GCKR: variants seen among roughly 807,000 people sequenced by gnomAD.
The protein encoded by GCKR is glucokinase regulatory protein.
GCKR carries 73 observed loss-of-function variants against 82.9 expected under a neutral mutation model. The observed-to-expected ratio is 0.88, with a 90% CI of 0.73 to 1.07. The LOEUF is 1.07. GCKR is among the 50% of genes least tolerant of loss of function. The pLI is 0.00. For synonymous variants in GCKR, 294 were observed against 291.8 expected (o/e 1.01, Z -0.08); for missense variants, 784 against 782.1 (o/e 1.00, Z -0.03).
intron 16 of GCKR, among the ~76,000 whole-genome samples, chr2:27,516,177 C>G (rs762512694): frequency 1.3e-5 from 2 of 149,302 alleles, no homozygotes; most frequent in African/African-American, 5.0e-5. Flanking sequence ...TATGGACTTT[C>G]TATTCTGTTC....
Position 27,522,555 on chromosome 2 carries a change from C to T in GCKR, c.1668C>T (p.Pro556=). The change falls in exon 18 of 19, where the codon CCC becomes CCT. Residue 556 remains proline (P), a synonymous_variant. Coordinates refer to ENST00000264717, the MANE Select transcript of GCKR (RefSeq NM_001486.4). ...TGTCAGATGATATTCGGGCTGCTCCCATCTCCTGCCATGTCCAGGTTGCAC... is the reference window on the plus strand; with the variant it reads ...TGTCAGATGATATTCGGGCTGCTCCTATCTCCTGCCATGTCCAGGTTGCAC... ...QPLSDDIRAA[P]ISCHVQVAHE... 6 of 1,614,040 alleles carry T rather than the reference C, an allele frequency of 3.7e-6. No individual in the cohort carries two copies. Among genetic ancestry groups the T allele is most frequent in the Non-Finnish European group, 5.1e-6 (6 of 1,179,872 alleles).
intron 12 of GCKR, 134 bp from the exon 13 acceptor site, chr2:27,507,101 C>T (rs1451597898): frequency 3.8e-6 from 3 of 795,754 alleles, no homozygotes; most frequent in African/African-American, 3.4e-5. Context: ...CTATGGCCTC[C>T]CACAAGGGCT....
intron 8 of GCKR, chr2:27,501,869 G>T: frequency 2.5e-6 from 1 of 398,010 alleles, no homozygotes; most frequent in Non-Finnish European, 5.2e-6. Context: ...AGCTGCCTGG[G>T]GAATGTTACA....
At chr2:27,519,162 C>T (rs983816300) in intron 17 of GCKR, among the ~76,000 whole-genome samples, 10 of 152,132 alleles carry the variant, frequency 6.6e-5, no homozygotes, top group South Asian at 2.1e-4. Context: ...CAGTTACAAA[C>T]GTGATGGAAA....
chr2:27,507,452 G>A (rs1328684586), intron 13 of GCKR, 141 bp downstream of exon 13: 6 of 751,652 alleles, frequency 8.0e-6, no homozygotes, highest in African/African-American at 6.8e-5. Flanking sequence ...AAGTCATGAG[G>A]CTTTGGCTTA....
chr2:27,511,559 C>T (rs1669882079), intron 16 of GCKR, among the ~76,000 whole-genome samples: 2 of 151,760 alleles, frequency 1.3e-5, no homozygotes, highest in South Asian at 4.2e-4. Context: ...ATTACCTGAG[C>T]ATGGTAGTGG....
In GCKR at chr2:27,506,613, G is replaced by A. The variant is rs2293571; in HGVS notation, c.968+34G>A. The A allele has an allele frequency of 0.38, 544,458 of 1,418,090 alleles. 108,142 individuals are homozygous for A. Among genetic ancestry groups the A allele is most frequent in the Admixed American group, 0.51 (30,623 of 59,742 alleles). 87.8% of individuals were successfully genotyped at this position (1,418,090 alleles called of 1,614,324 possible). ...ATATGTGTTTAGAGGTGAGGATGTG[G>A]CCCGGATGGAGAATACTGAGAGCAG... On this transcript the variant is annotated intron_variant, in intron 11 of 18. Coordinates refer to ENST00000264717, the MANE Select transcript of GCKR (RefSeq NM_001486.4).
chr2:27,506,402 A>G (rs1669743926), intron 10 of GCKR, 79 bp from the exon 11 acceptor site: 2 of 922,408 alleles, frequency 2.2e-6, no homozygotes, highest in South Asian at 1.3e-5. Flanking sequence ...CTGTGCCTTC[A>G]CCTCCCCGCT....
intron 10 of GCKR, 76 bp downstream of exon 10, chr2:27,505,912 A>C: frequency 1.2e-6 from 1 of 844,846 alleles, no homozygotes; most frequent in Non-Finnish European, 2.1e-6. Context: ...TGGCAGGTCT[A>C]GATCCAAGGA....
intron 16 of GCKR, among the ~76,000 whole-genome samples, chr2:27,511,837 A>C (rs1669891168): frequency 6.6e-6 from 1 of 152,226 alleles, no homozygotes; most frequent in Non-Finnish European, 1.5e-5. Flanking sequence ...AAACCTACAG[A>C]AAAATACGAA....
intron 16 of GCKR, among the ~76,000 whole-genome samples, chr2:27,509,204 C>T (rs943054276): frequency 3.3e-5 from 5 of 152,142 alleles, no homozygotes; most frequent in African/African-American, 1.2e-4. Context: ...ATTCGTTATT[C>T]AAACCATGTC....
chr2:27,514,491 C>A (rs1324106707), intron 16 of GCKR, among the ~76,000 whole-genome samples: 1 of 152,152 alleles, frequency 6.6e-6, no homozygotes, highest in Non-Finnish European at 1.5e-5. Context: ...TAAGTTTGCA[C>A]TTCCTATACA....
rs200836461 is a variant in GCKR, at chr2:27,499,202, G to A, written c.489G>A (p.Leu163=). Residue 163 remains leucine, a synonymous_variant, in exon 6 of 19, where the codon CTG becomes CTA. Transcript: ENST00000264717. ...GTGCCTTGCACGGGATTGAGGAACT[G>A]AAGAAGGTCTGTGCTTTTCACTGAC... The part of the protein sequence containing the change: ...EDSALHGIEE[L]KKVAAGKKRV... 37 of 1,607,050 alleles carry A rather than the reference G, an allele frequency of 2.3e-5. No homozygotes were observed. The African/African-American group carries it at 3.9e-4, about 17-fold the overall frequency.
chr2:27,501,737 C>T (rs1558434718), intron 8 of GCKR: 1 of 471,486 alleles, frequency 2.1e-6, no homozygotes, highest in Non-Finnish European at 4.4e-6. Context: ...ACTGTCTTCC[C>T]TTCCCTGAGA....
chr2:27,503,647 C>G, intron 9 of GCKR, 28 bp downstream of exon 9: 1 of 1,170,336 alleles, frequency 8.5e-7, no homozygotes, highest in East Asian at 2.3e-5. Flanking sequence ...TCTATGTTCT[C>G]CACCCCTCCA....
intron 4 of GCKR, 125 bp from the exon 5 acceptor site, chr2:27,498,599 T>A: frequency 2.7e-6 from 2 of 734,504 alleles, no homozygotes; most frequent in Non-Finnish European, 5.0e-6. Context: ...AGATTCCATG[T>A]AGGACTGGGT....
chr2:27,515,744 CGT>C (rs1669986754), intron 16 of GCKR, among the ~76,000 whole-genome samples: 2 of 130,114 alleles, frequency 1.5e-5, no homozygotes, highest in South Asian at 4.9e-4. Flanking sequence ...TCCAATTGTT[CGT>C]ATATATATAT....
intron 16 of GCKR, 100 bp downstream of exon 16, chr2:27,508,351 A>G: frequency 1.2e-6 from 1 of 812,656 alleles, no homozygotes. Flanking sequence ...AAGTTTGGAG[A>G]CCTCTCTGAC....
chr2:27,517,456 G>A (rs2148591626), intron 16 of GCKR, among the ~76,000 whole-genome samples: 1 of 152,220 alleles, frequency 6.6e-6, no homozygotes, highest in Non-Finnish European at 1.5e-5. Context: ...CAAGTGAAGG[G>A]GGAACAGCCC....
Sources: allele counts gnomAD v4.1 joint callset (sites outside exome capture counted in the v4.1 genomes callset), GRCh38; gene constraint gnomAD v4.1.1; transcripts MANE v1.5; gene names NCBI Gene and HGNC (gene_info 2026-07-23, HGNC 2026-07-21).